COIL: variants seen among roughly 807,000 people sequenced by gnomAD.
The protein encoded by COIL is coilin, also known as coilin p80.
In COIL, 28 loss-of-function variants were observed where a neutral mutation model predicts 51.6. The ratio of observed to expected loss-of-function variants is 0.54; its 90% CI spans 0.40 to 0.74. The LOEUF (loss-of-function observed/expected upper bound fraction) is 0.74. COIL is among the 30% of genes least tolerant of loss of function. The probability of loss-of-function intolerance (pLI) is 0.00; values close to 1 mark genes in which losing one functional copy is unlikely to be tolerated. For missense variants in COIL, 667 were observed against 685.9 expected (o/e 0.97, Z 0.31); for synonymous variants, 233 against 255.8 (o/e 0.91, Z 0.85).
chr17:56,945,806 C>T (rs1598093697), intron 5 of COIL, among the ~76,000 whole-genome samples: 2 of 152,232 alleles, frequency 1.3e-5, no homozygotes. Context: ...ACCTCCACCT[C>T]CCGGGTTCAA....
intron 5 of COIL, 69 bp from the exon 6 acceptor site, chr17:56,942,192 G>A: frequency 8.3e-7 from 1 of 1,210,616 alleles, no homozygotes; most frequent in South Asian, 1.2e-5. Flanking sequence ...TCCTCTATGG[G>A]GAATTTATAT....
intron 1 of COIL, among the ~76,000 whole-genome samples, chr17:56,958,498 C>A (rs1265769360): frequency 6.6e-6 from 1 of 152,240 alleles, no homozygotes; most frequent in Non-Finnish European, 1.5e-5. Flanking sequence ...TTTTTTGCCA[C>A]ATGCAGCTGT....
intron 5 of COIL, among the ~76,000 whole-genome samples, chr17:56,945,339 A>G (rs1910228893): frequency 6.6e-6 from 1 of 152,178 alleles, no homozygotes; most frequent in Non-Finnish European, 1.5e-5. Flanking sequence ...CTCTGTCAAA[A>G]AAAAAAGGAA....
At chr17:56,956,193 T>A (rs769398275) in intron 1 of COIL, among the ~76,000 whole-genome samples, 1 of 152,154 alleles carries the variant, frequency 6.6e-6, no homozygotes, top group Non-Finnish European at 1.5e-5. Flanking sequence ...TCTTGGACTA[T>A]CCAAGGAGCC....
At chr17:56,947,335 A>G (rs920141154) in intron 4 of COIL, among the ~76,000 whole-genome samples, 5 of 152,182 alleles carry the variant, frequency 3.3e-5, no homozygotes, top group Non-Finnish European at 7.3e-5. Context: ...ACTGCGTTTG[A>G]GGTCAAAGCA....
Position 56,949,996 on chromosome 17 carries a change from C to T in COIL, c.1246G>A (p.Gly416Ser), listed in dbSNP as rs187741476. 3.2e-4 allele frequency: 512 copies of T among 1,614,188 alleles called. 18 individuals carry two copies. In the Admixed American group the frequency reaches 8.2e-3, roughly 26 times the overall value. Reference sequence around the variant, plus strand: ...GAAACAGGATGCCCTCGTCCTCGACCTCTCCCCCGCATGCCCCGTCCCTTA... The same window carrying T: ...GAAACAGGATGCCCTCGTCCTCGACTTCTCCCCCGCATGCCCCGTCCCTTA... ...GAKGRGMRGR[G>S]RGRGHPVSCV... Residue 416 changes from glycine to serine, a missense_variant, in exon 2 of 7, where the codon GGT becomes AGT. Transcript: ENST00000240316.
intron 1 of COIL, 152 bp downstream of exon 1, chr17:56,960,623 C>A: frequency 1.8e-6 from 1 of 548,486 alleles, no homozygotes; most frequent in South Asian, 3.5e-5. Context: ...CGCGAACGTG[C>A]ATTTTTACAG....
At chr17:56,951,910 C>G (rs1484297197) in intron 1 of COIL, 1 of 167,174 alleles carries the variant, frequency 6.0e-6, no homozygotes, top group Non-Finnish European at 1.3e-5. Flanking sequence ...AAGAGATTCT[C>G]GTGCCTCAGC....
Position 56,950,532 on chromosome 17 carries a change from C to T in COIL, c.710G>A (p.Ser237Asn). The T allele has an allele frequency of 6.2e-7, 1 of 1,614,230 alleles. No homozygotes were observed. The highest frequency in any genetic ancestry group is 8.5e-7 in the Non-Finnish European group (1 of 1,180,032). The stretch of plus-strand genomic sequence containing the variant: ...ACTGGGACTCTCTTTTGAGCAAACG[C>T]TTACACTACCTTTCCTTTTGGCTTT... ...LVKAKRKGSV[S>N]VCSKESPSSS... The change falls in exon 2 of 7, where the codon AGC becomes AAC. Residue 237 changes from serine (S) to asparagine (N), a missense_variant. Coordinates refer to ENST00000240316, the MANE Select transcript of COIL (RefSeq NM_004645.3).
At chr17:56,952,354 G>A (rs549208057) in intron 1 of COIL, 14 of 441,284 alleles carry the variant, frequency 3.2e-5, no homozygotes, top group Non-Finnish European at 5.3e-5. Context: ...AGACCACGAA[G>A]AAGCAAGACG....
Position 56,960,799 on chromosome 17 carries a change from A to T in COIL, c.221T>A (p.Leu74His). 1.3e-6 allele frequency: 2 copies of T among 1,592,794 alleles called. No individual in the cohort carries two copies. The highest frequency in any genetic ancestry group is 4.6e-5 in the East Asian group (2 of 43,340). Residue 74 changes from leucine to histidine, a missense_variant, in exon 1 of 7, where the codon CTT becomes CAT. Coordinates refer to ENST00000240316, the MANE Select transcript of COIL (RefSeq NM_004645.3). The stretch of plus-strand genomic sequence containing the variant: ...CCTGAGGCAGTCGTTGTCTCTCACA[A>T]GGCGCGCGCTCTCGGCGGGGGGCAA... ...GLLPPAESAR[L>H]VRDNDCLRVK... is the part of the protein sequence containing the mutation.
In COIL at chr17:56,960,737, G is replaced by A. The variant is rs554146522; in HGVS notation, c.245+38C>T. 1.2e-4 allele frequency: 145 copies of A among 1,195,030 alleles called. 1 individual carries two copies. The East Asian group carries it at 4.8e-3, about 39-fold the overall frequency. 74.0% of individuals were successfully genotyped at this position (1,195,030 alleles called of 1,614,324 possible). On this transcript the variant is annotated intron_variant, in intron 1 of 6. Coordinates refer to ENST00000240316, the MANE Select transcript of COIL (RefSeq NM_004645.3). ...GCGTGCGCAGGCGCGTCCCCCGCCC[G>A]CCGCCCACCCGGCCGTCCCGCTCCC...
rs80318957 is a variant in COIL, at chr17:56,955,853, T to C, written c.246-4857A>G. 8.0e-3 allele frequency among the ~76,000 whole-genome samples: 1,212 copies of C among 152,278 alleles called. 16 individuals are homozygous for C. The highest frequency in any genetic ancestry group is 0.028 in the African/African-American group (1,158 of 41,548). On this transcript the variant is annotated intron_variant, in intron 1 of 6. Coordinates refer to ENST00000240316, the MANE Select transcript of COIL (RefSeq NM_004645.3). ...TTATATGTACCTTCTCTTAGACCAATGAGTATTTCTTCTAAGAATAAATCC... is the reference window on the plus strand; with the variant it reads ...TTATATGTACCTTCTCTTAGACCAACGAGTATTTCTTCTAAGAATAAATCC...
At chr17:56,944,560 C>T (rs530399141) in intron 5 of COIL, among the ~76,000 whole-genome samples, 6 of 151,364 alleles carry the variant, frequency 4.0e-5, no homozygotes, top group Non-Finnish European at 5.9e-5. Context: ...CACTGCACTC[C>T]AGCCTGGACA....
intron 1 of COIL, among the ~76,000 whole-genome samples, chr17:56,954,171 AAC>A (rs2144403046): frequency 1.3e-5 from 2 of 152,300 alleles, no homozygotes; most frequent in South Asian, 4.1e-4. Flanking sequence ...CAGCACATGT[AAC>A]ATCCAGTTGA....
intron 1 of COIL, among the ~76,000 whole-genome samples, chr17:56,953,218 T>C (rs931372400): frequency 2.0e-5 from 3 of 151,964 alleles, no homozygotes; most frequent in South Asian, 2.1e-4. Context: ...GAGACCATCC[T>C]GGCTAACACA....
intron 5 of COIL, among the ~76,000 whole-genome samples, chr17:56,945,809 G>T (rs908881425): frequency 6.6e-6 from 1 of 152,160 alleles, no homozygotes; most frequent in Non-Finnish European, 1.5e-5. Context: ...TCCACCTCCC[G>T]GGTTCAAGCG....
Position 56,950,522 on chromosome 17 carries a change from T to C in COIL, c.720A>G (p.Ser240=). The change falls in exon 2 of 7, where the codon TCA becomes TCG. Residue 240 remains serine, a synonymous_variant. Transcript: ENST00000240316. ...CCGAGGAGGAACTGGGACTCTCTTT[T>C]GAGCAAACGCTTACACTACCTTTCC... The part of the protein sequence containing the change: ...AKRKGSVSVC[S]KESPSSSSES... The C allele has an allele frequency of 6.2e-7, 1 of 1,614,228 alleles. No individual in the cohort carries two copies. Among genetic ancestry groups the C allele is most frequent in the East Asian group, 2.2e-5 (1 of 44,888 alleles).
rs1270915283 is a variant in COIL, at chr17:56,939,155, C to T, written c.1648-1G>A. The T allele has an allele frequency of 1.3e-6, 2 of 1,567,608 alleles. No individual in the cohort carries two copies. The highest frequency in any genetic ancestry group is 8.8e-7 in the Non-Finnish European group (1 of 1,138,928). Reference sequence around the variant, plus strand: ...TCAACTCTTTCCAAAATACAGTGATCTGAGGAAAAAGACAAAATACCCAGT... The same window carrying T: ...TCAACTCTTTCCAAAATACAGTGATTTGAGGAAAAAGACAAAATACCCAGT... On this transcript the variant is annotated splice_acceptor_variant, in intron 6 of 6. Transcript: ENST00000240316. LOFTEE classifies it high-confidence loss of function.
Sources: allele counts gnomAD v4.1 joint callset (sites outside exome capture counted in the v4.1 genomes callset), GRCh38; gene constraint gnomAD v4.1.1; transcripts MANE v1.5; gene names NCBI Gene and HGNC (gene_info 2026-07-23, HGNC 2026-07-21).